The following ATG10 variants were observed in gnomAD, a reference collection of about 807,000 sequenced individuals.
ATG10 encodes ubiquitin-like-conjugating enzyme ATG10.
ATG10 carries 30 observed loss-of-function variants against 32.1 expected under a neutral mutation model. The ratio of observed to expected loss-of-function variants is 0.94; its 90% CI spans 0.70 to 1.27. The LOEUF is 1.27. Among genes scored for constraint, ATG10 ranks in the 50% most tolerant of loss-of-function variants. The pLI, the probability that ATG10 is intolerant of heterozygous loss-of-function variation, is 0.00. For missense variants in ATG10, 233 were observed against 262.3 expected (o/e 0.89, Z 0.77); for synonymous variants, 87 against 91.5 (o/e 0.95, Z 0.28).
chr5:82,202,391 C>A (rs952794418), intron 5 of ATG10, among the ~76,000 whole-genome samples: 4 of 152,184 alleles, frequency 2.6e-5, no homozygotes, highest in Non-Finnish European at 4.4e-5. Flanking sequence ...ATTCTGCTAG[C>A]GTCTTTTGGA....
intron 3 of ATG10, 71 bp downstream of exon 3, chr5:82,058,673 G>T: frequency 9.9e-7 from 1 of 1,007,660 alleles, no homozygotes; most frequent in South Asian, 1.5e-5. Context: ...ATACTTTAAT[G>T]ACTCCATCGC....
chr5:82,232,975 T>C (rs558550078), intron 5 of ATG10, among the ~76,000 whole-genome samples: 5 of 152,276 alleles, frequency 3.3e-5, no homozygotes, highest in African/African-American at 1.2e-4. Flanking sequence ...ACACATCTAG[T>C]TCACTCCCTT....
chr5:82,010,693 A>G (rs1762105576), intron 2 of ATG10, among the ~76,000 whole-genome samples: 1 of 152,210 alleles, frequency 6.6e-6, no homozygotes, highest in Non-Finnish European at 1.5e-5. Context: ...AACTAACACT[A>G]GGTCTAATAG....
intron 3 of ATG10, among the ~76,000 whole-genome samples, chr5:82,125,627 G>A (rs1418883648): frequency 1.3e-5 from 2 of 152,072 alleles, no homozygotes; most frequent in Admixed American, 6.6e-5. Flanking sequence ...TGTTCCATTG[G>A]TCTATATATC....
At chr5:82,054,787 G>A (rs2149744858) in intron 2 of ATG10, among the ~76,000 whole-genome samples, 1 of 152,288 alleles carries the variant, frequency 6.6e-6, no homozygotes, top group East Asian at 1.9e-4. Context: ...ATCCTGTAAA[G>A]ACCTTGTCAT....
chr5:82,113,257 G>T lies in ATG10; in HGVS notation c.217-51142G>T, dbSNP rs575373465. On this transcript the variant is annotated intron_variant, in intron 3 of 7. Coordinates refer to ENST00000282185, the MANE Select transcript of ATG10 (RefSeq NM_031482.5). Reference sequence around the variant, plus strand: ...TGGTTTGTAGCTTGCCAAAGAGCATGTGAGTGCATATTTGATCAGAAGCAT... The same window carrying T: ...TGGTTTGTAGCTTGCCAAAGAGCATTTGAGTGCATATTTGATCAGAAGCAT... 1.9e-3 allele frequency among the ~76,000 whole-genome samples: 292 copies of T among 152,080 alleles called. 1 individual carries two copies. The highest frequency in any genetic ancestry group is 6.7e-3 in the African/African-American group (279 of 41,546).
intron 3 of ATG10, among the ~76,000 whole-genome samples, chr5:82,099,153 G>A (rs1414381494): frequency 6.6e-6 from 1 of 152,026 alleles, no homozygotes; most frequent in Non-Finnish European, 1.5e-5. Flanking sequence ...ATATTTGTCA[G>A]CCAAACTTGA....
chr5:82,208,860 G>A (rs1402744983), intron 5 of ATG10, among the ~76,000 whole-genome samples: 2 of 152,140 alleles, frequency 1.3e-5, no homozygotes, highest in Non-Finnish European at 2.9e-5. Flanking sequence ...CAACTTCGTT[G>A]TAATATAGTA....
intron 3 of ATG10, among the ~76,000 whole-genome samples, chr5:82,145,997 G>A (rs1052771895): frequency 3.9e-5 from 6 of 152,096 alleles, no homozygotes; most frequent in African/African-American, 9.7e-5. Context: ...GTGAGCCACC[G>A]CGCCTGGCCA....
intron 3 of ATG10, among the ~76,000 whole-genome samples, chr5:82,128,095 G>A (rs760109230): frequency 7.2e-5 from 11 of 152,118 alleles, no homozygotes; most frequent in South Asian, 4.2e-4. Flanking sequence ...TCAGAGACTA[G>A]AATTGCAACC....
intron 5 of ATG10, among the ~76,000 whole-genome samples, chr5:82,204,126 A>T (rs1235380222): frequency 1.3e-5 from 2 of 152,222 alleles, no homozygotes; most frequent in African/African-American, 2.4e-5. Flanking sequence ...GACAATTTTA[A>T]ACTGGCAATT....
chr5:82,241,628 T>C (rs1326574305), intron 5 of ATG10, among the ~76,000 whole-genome samples: 1 of 152,086 alleles, frequency 6.6e-6, no homozygotes, highest in African/African-American at 2.4e-5. Flanking sequence ...GCAGCTGGTG[T>C]TCTCAAGGTG....
chr5:82,094,371 A>G (rs1164531917), intron 3 of ATG10, among the ~76,000 whole-genome samples: 1 of 152,164 alleles, frequency 6.6e-6, no homozygotes, highest in African/African-American at 2.4e-5. Flanking sequence ...TAATTACTTC[A>G]GATGGCAAGT....
chr5:82,069,291 A>T (rs964538080), intron 3 of ATG10, among the ~76,000 whole-genome samples: 2 of 152,074 alleles, frequency 1.3e-5, no homozygotes, highest in Admixed American at 6.6e-5. Context: ...GAGATTGACT[A>T]CTTGTCTGGA....
chr5:82,191,019 A>T (rs1306472831), intron 5 of ATG10, among the ~76,000 whole-genome samples: 1 of 152,184 alleles, frequency 6.6e-6, no homozygotes, highest in Non-Finnish European at 1.5e-5. Flanking sequence ...GTTTTGTTAG[A>T]TATTCCCATA....
intron 3 of ATG10, among the ~76,000 whole-genome samples, chr5:82,149,989 C>T (rs929200305): frequency 1.3e-5 from 2 of 151,996 alleles, no homozygotes; most frequent in African/African-American, 2.4e-5. Flanking sequence ...AGTTGAGGTT[C>T]TTGACACAAC....
chr5:82,137,540 C>T (rs745649049), intron 3 of ATG10, among the ~76,000 whole-genome samples: 5 of 152,188 alleles, frequency 3.3e-5, no homozygotes, highest in African/African-American at 9.7e-5. Context: ...TTATCACCAG[C>T]GGAGGCTGCA....
chr5:82,189,632 G>GT (rs953476197), intron 5 of ATG10, among the ~76,000 whole-genome samples: 2 of 151,588 alleles, frequency 1.3e-5, no homozygotes, highest in South Asian at 2.1e-4. Flanking sequence ...TTTGTTTTTT[G>GT]TTTTTTTTGG....
intron 3 of ATG10, among the ~76,000 whole-genome samples, chr5:82,069,558 A>G (rs1308700712): frequency 6.6e-6 from 1 of 152,162 alleles, no homozygotes; most frequent in African/African-American, 2.4e-5. Flanking sequence ...GATCACTTCC[A>G]TCACAACTGT....
Sources: gnomAD v4.1 joint callset for allele counts (sites outside exome capture counted in the v4.1 genomes callset) on GRCh38, gnomAD v4.1.1 for gene constraint, MANE v1.5 for transcripts, NCBI Gene and HGNC (gene_info 2026-07-23, HGNC 2026-07-21) for gene names.